Variants in GALNT18 observed in about 807,000 individuals in gnomAD.
The protein encoded by GALNT18 is polypeptide N-acetylgalactosaminyltransferase 18, also known as GalNAc-transferase 18.
GALNT18 carries 44 observed loss-of-function variants against 69.5 expected under a neutral mutation model. That is an observed-to-expected ratio of 0.63 (90% confidence interval 0.50 to 0.81). The LOEUF is 0.81. GALNT18 is among the 40% of genes least tolerant of loss of function. GALNT18 has a pLI of 0.00. For missense variants in GALNT18, 715 were observed against 810.0 expected (o/e 0.88, Z 1.42); for synonymous variants, 364 against 318.2 (o/e 1.14, Z -1.53).
In GALNT18 at chr11:11,454,017, C is replaced by T. The variant is rs988927559; in HGVS notation, c.236-5081G>A. Among the ~76,000 whole-genome samples the T allele has an allele frequency of 2.0e-5, 3 of 152,152 alleles. No individual in the cohort carries two copies. The highest frequency in any genetic ancestry group is 7.2e-5 in the African/African-American group (3 of 41,418). Reference sequence around the variant, plus strand: ...CCCTCAGACTCAGAACAGCATCTGGCGCCTAGTAGGTGCTTAACCAATACC... The same window carrying T: ...CCCTCAGACTCAGAACAGCATCTGGTGCCTAGTAGGTGCTTAACCAATACC... On this transcript the variant is annotated intron_variant, in intron 1 of 10. Transcript: ENST00000227756. This position sits in a 1 kb window ranked among gnomAD's most constrained non-coding sequence, Gnocchi z 4.2.
intron 1 of GALNT18, among the ~76,000 whole-genome samples, chr11:11,568,676 A>C (rs1858710987): frequency 6.6e-6 from 1 of 152,090 alleles, no homozygotes; most frequent in Non-Finnish European, 1.5e-5. Flanking sequence ...AGGAGTCTGG[A>C]GTTCTGGATT....
chr11:11,374,586 C>T (rs1007950622), intron 5 of GALNT18, among the ~76,000 whole-genome samples: 5 of 152,158 alleles, frequency 3.3e-5, no homozygotes, highest in Non-Finnish European at 7.3e-5. Context: ...CAGTTCAAGC[C>T]AGGTAATGAA....
Position 11,341,513 on chromosome 11 carries a change from T to C in GALNT18, c.1093-509A>G, listed in dbSNP as rs953983092. On this transcript the variant is annotated intron_variant, in intron 6 of 10. Coordinates refer to ENST00000227756, the MANE Select transcript of GALNT18 (RefSeq NM_198516.3). The surrounding 1 kb of genome is among the most constrained non-coding windows in gnomAD (Gnocchi z 6.3). ...AGACACCCTTCTTCTAGTGCATCTT[T>C]CCGAGGCTCTGGGTTCTGACTGAAT... Among the ~76,000 whole-genome samples the C allele has an allele frequency of 6.6e-6, 1 of 152,172 alleles. No homozygotes were observed. The highest frequency in any genetic ancestry group is 2.4e-5 in the African/African-American group (1 of 41,426).
chr11:11,274,612 A>C (rs1017222775), intron 10 of GALNT18, among the ~76,000 whole-genome samples: 5 of 152,172 alleles, frequency 3.3e-5, no homozygotes, highest in African/African-American at 9.6e-5. Context: ...CAGTTTTGTT[A>C]CATAGGTATA....
At chr11:11,456,489 GC>G (rs994099171) in intron 1 of GALNT18, among the ~76,000 whole-genome samples, 1 of 152,076 alleles carries the variant, frequency 6.6e-6, no homozygotes, top group Non-Finnish European at 1.5e-5. Flanking sequence ...TACCTCCAGG[GC>G]CCCCCTGCAA....
At position 11,614,338 on chromosome 11, in the gene GALNT18, A is replaced by G. The variant is rs573061925; in HGVS notation, c.235+7021T>C. On this transcript the variant is annotated intron_variant, in intron 1 of 10. Transcript: ENST00000227756. This position sits in a 1 kb window ranked among gnomAD's most constrained non-coding sequence, Gnocchi z 5.6. ...TGAGAGAGGGGTGAGAGAGAGAGGCAAGAGAGTGAGGAGAAGAAGAAGAAG... is the reference window on the plus strand; with the variant it reads ...TGAGAGAGGGGTGAGAGAGAGAGGCGAGAGAGTGAGGAGAAGAAGAAGAAG... Among the ~76,000 whole-genome samples the G allele has an allele frequency of 1.9e-3, 280 of 148,332 alleles. 2 individuals are homozygous for G. The highest frequency in any genetic ancestry group is 6.8e-3 in the African/African-American group (269 of 39,572).
intron 3 of GALNT18, among the ~76,000 whole-genome samples, chr11:11,406,036 G>A (rs1024826518): frequency 6.6e-6 from 1 of 152,214 alleles, no homozygotes; most frequent in Non-Finnish European, 1.5e-5. Flanking sequence ...AGATCGGAGA[G>A]TCCCAAACAG....
chr11:11,575,316 T>C (rs1213748084), intron 1 of GALNT18, among the ~76,000 whole-genome samples: 1 of 152,276 alleles, frequency 6.6e-6, no homozygotes, highest in East Asian at 1.9e-4. Flanking sequence ...GATCAAGCTA[T>C]TACTTCCTCC....
chr11:11,397,329 A>G (rs1386382712), intron 3 of GALNT18, among the ~76,000 whole-genome samples: 1 of 152,176 alleles, frequency 6.6e-6, no homozygotes, highest in Non-Finnish European at 1.5e-5. Context: ...CAAAGAGTGT[A>G]TGGGAAAGAA....
At chr11:11,310,369 C>T (rs1849649052) in intron 9 of GALNT18, among the ~76,000 whole-genome samples, 1 of 152,180 alleles carries the variant, frequency 6.6e-6, no homozygotes, top group East Asian at 1.9e-4. Flanking sequence ...CTTTGTTCAA[C>T]ATGTATTTGT....
At position 11,605,165 on chromosome 11, in the gene GALNT18, G is replaced by A. The variant is rs115729967; in HGVS notation, c.235+16194C>T. Among the ~76,000 whole-genome samples, 796 of 152,236 alleles carry A rather than the reference G, an allele frequency of 5.2e-3. 15 individuals are homozygous for A. The highest frequency in any genetic ancestry group is 0.017 in the African/African-American group (722 of 41,542). ...CTGAGGAGGAACTTTTACTGTGTCC[G>A]TTTCCTGTCTGGGGAAAGTGGAGAA... On this transcript the variant is annotated intron_variant, in intron 1 of 10. Coordinates refer to ENST00000227756, the MANE Select transcript of GALNT18 (RefSeq NM_198516.3). This position sits in a 1 kb window ranked among gnomAD's most constrained non-coding sequence, Gnocchi z 4.7.
chr11:11,352,279 A>G lies in GALNT18; in HGVS notation c.1093-11275T>C, dbSNP rs530056112. 30 of 1,614,126 alleles carry G rather than the reference A, an allele frequency of 1.9e-5. No individual in the cohort carries two copies. The South Asian group carries it at 3.0e-4, about 16-fold the overall frequency. ...TTTTCACTGTGGACAAAGCGTTCCCATCGCTTTCGAGAGTGTCTGCCCAAG... is the reference window on the plus strand; with the variant it reads ...TTTTCACTGTGGACAAAGCGTTCCCGTCGCTTTCGAGAGTGTCTGCCCAAG... On this transcript the variant is annotated intron_variant, in intron 6 of 10. Coordinates refer to ENST00000227756, the MANE Select transcript of GALNT18 (RefSeq NM_198516.3).
intron 6 of GALNT18, among the ~76,000 whole-genome samples, chr11:11,370,363 AG>A (rs1238714373): frequency 1.3e-5 from 2 of 152,242 alleles, no homozygotes; most frequent in African/African-American, 2.4e-5. Flanking sequence ...CAAACACGAA[AG>A]AAAGACAAAT....
Position 11,444,342 on chromosome 11 carries a change from C to T in GALNT18, c.428+4402G>A, listed in dbSNP as rs914081476. Among the ~76,000 whole-genome samples, 4 of 152,178 alleles carry T rather than the reference C, an allele frequency of 2.6e-5. No individual in the cohort carries two copies. The highest frequency in any genetic ancestry group is 5.9e-5 in the Non-Finnish European group (4 of 68,034). Reference sequence around the variant, plus strand: ...AGGCCACTGCCTTACTAAAAGCCTGCGAGGACAAGTCCTCCCCGCCACGGA... The same window carrying T: ...AGGCCACTGCCTTACTAAAAGCCTGTGAGGACAAGTCCTCCCCGCCACGGA... On this transcript the variant is annotated intron_variant, in intron 2 of 10. Coordinates refer to ENST00000227756, the MANE Select transcript of GALNT18 (RefSeq NM_198516.3). The surrounding 1 kb of genome is among the most constrained non-coding windows in gnomAD (Gnocchi z 4.4).
intron 3 of GALNT18, among the ~76,000 whole-genome samples, chr11:11,407,904 G>A (rs1048722585): frequency 2.6e-5 from 4 of 152,180 alleles, no homozygotes; most frequent in Non-Finnish European, 5.9e-5. Context: ...TGGATGCACC[G>A]AGTGGAGGCC....
rs934626322 is a variant in GALNT18, at chr11:11,419,131, T to C, written c.595+13490A>G. 7.2e-5 allele frequency among the ~76,000 whole-genome samples: 11 copies of C among 152,294 alleles called. No homozygotes were observed. In the South Asian group the frequency reaches 1.2e-3, roughly 17 times the overall value. On this transcript the variant is annotated intron_variant, in intron 3 of 10. Coordinates refer to ENST00000227756, the MANE Select transcript of GALNT18 (RefSeq NM_198516.3). ...GCACGCAGGCCATGCCCTCTTTGGT[T>C]GGCTACAAATCAAGTCTCTACTCTA... is the stretch of plus-strand genomic sequence containing the variant.
At chr11:11,607,520 T>C (rs1176530198) in intron 1 of GALNT18, among the ~76,000 whole-genome samples, 1 of 152,200 alleles carries the variant, frequency 6.6e-6, no homozygotes, top group Non-Finnish European at 1.5e-5. Flanking sequence ...GTGAACTACA[T>C]CTATCTCTGA....
intron 3 of GALNT18, among the ~76,000 whole-genome samples, chr11:11,393,424 G>A (rs1432412804): frequency 2.0e-5 from 3 of 152,210 alleles, no homozygotes; most frequent in African/African-American, 7.2e-5. Flanking sequence ...TTTTCTGTTT[G>A]TTTGTTTGTT....
rs774579777 is a variant in GALNT18 at position 11,339,277 on chromosome 11, G to A, written c.1278+1542C>T. On this transcript the variant is annotated intron_variant, in intron 7 of 10. Coordinates refer to ENST00000227756, the MANE Select transcript of GALNT18 (RefSeq NM_198516.3). The surrounding 1 kb of genome is among the most constrained non-coding windows in gnomAD (Gnocchi z 5.2). ...ATTTGAACTACCACCTTGAGGAGTCGCAGACAGACACTGAATTTCATCATT... is the reference window on the plus strand; with the variant it reads ...ATTTGAACTACCACCTTGAGGAGTCACAGACAGACACTGAATTTCATCATT... Among the ~76,000 whole-genome samples the A allele has an allele frequency of 1.2e-4, 19 of 152,070 alleles. No individual in the cohort carries two copies. Among genetic ancestry groups the A allele is most frequent in the African/African-American group, 3.9e-4 (16 of 41,408 alleles).
Sources: allele counts gnomAD v4.1 joint callset (sites outside exome capture counted in the v4.1 genomes callset), GRCh38; gene constraint gnomAD v4.1.1; non-coding constraint Gnocchi (gnomAD v3.1); transcripts MANE v1.5; gene names NCBI Gene and HGNC (gene_info 2026-07-23, HGNC 2026-07-21).